ELAPOR2: variants seen among roughly 807,000 people sequenced by gnomAD.
ELAPOR2 encodes endosome-lysosome associated apoptosis and autophagy regulator family member 2, also known as endosome/lysosome-associated apoptosis and autophagy regulator family member 2.
Under a neutral mutation model 120.7 loss-of-function variants are expected in ELAPOR2, and 89 were observed. The ratio of observed to expected loss-of-function variants is 0.74; its 90% CI spans 0.62 to 0.88. The LOEUF is 0.88. ELAPOR2 is among the 40% of genes least tolerant of loss of function. The pLI is 0.00. For missense variants in ELAPOR2, 1,134 were observed against 1,251.6 expected (o/e 0.91, Z 1.42); for synonymous variants, 444 against 444.9 (o/e 1.00, Z 0.03).
intron 1 of ELAPOR2, among the ~76,000 whole-genome samples, chr7:86,974,717 AT>A (rs1000452644): frequency 6.6e-6 from 1 of 151,944 alleles, no homozygotes; most frequent in African/African-American, 2.4e-5. Flanking sequence ...ATTATGTATT[AT>A]CAAAATTTTC....
intron 1 of ELAPOR2, among the ~76,000 whole-genome samples, chr7:87,030,565 G>C (rs1794392791): frequency 6.6e-6 from 1 of 152,142 alleles, no homozygotes; most frequent in Admixed American, 6.6e-5. Flanking sequence ...TTTTGAGTTT[G>C]GCATAATGGT....
intron 12 of ELAPOR2, 96 bp from the exon 13 acceptor site, chr7:86,914,956 A>G: frequency 1.0e-6 from 1 of 1,001,650 alleles, no homozygotes. Context: ...TTTAAAGTAA[A>G]CCCATTACAG....
chr7:87,053,613 G>T lies in ELAPOR2; in HGVS notation c.189+5712C>A, dbSNP rs1795179363. 3.9e-5 allele frequency among the ~76,000 whole-genome samples: 6 copies of T among 152,280 alleles called. No individual in the cohort carries two copies. The South Asian group carries it at 1.2e-3, about 32-fold the overall frequency. ...GAGCACAACTCATTCATCTATATGG[G>T]GTGGGGGGCTGTGCGTGCAAAACAC... is the stretch of plus-strand genomic sequence containing the variant. On this transcript the variant is annotated intron_variant, in intron 1 of 21. Transcript: ENST00000450689.
At chr7:86,882,432 G>A (rs1158080240) in intron 21 of ELAPOR2, among the ~76,000 whole-genome samples, 1 of 152,084 alleles carries the variant, frequency 6.6e-6, no homozygotes, top group South Asian at 2.1e-4. Flanking sequence ...TTATCTTCAA[G>A]GTAATATTTA....
intron 2 of ELAPOR2, 89 bp from the exon 3 acceptor site, chr7:86,948,011 C>T (rs1791077201): frequency 2.2e-6 from 2 of 889,178 alleles, no homozygotes; most frequent in Non-Finnish European, 3.4e-6. Flanking sequence ...TTTTATAAAA[C>T]TCTGATTGTG....
At chr7:87,021,862 TG>T (rs1794050232) in intron 1 of ELAPOR2, among the ~76,000 whole-genome samples, 1 of 152,138 alleles carries the variant, frequency 6.6e-6, no homozygotes, top group Non-Finnish European at 1.5e-5. Context: ...ATATTTGGAT[TG>T]GGGGCTATTC....
At chr7:86,950,425 C>G (rs918181578) in intron 2 of ELAPOR2, among the ~76,000 whole-genome samples, 18 of 152,218 alleles carry the variant, frequency 1.2e-4, no homozygotes, top group Non-Finnish European at 2.1e-4. Context: ...TGGAAGCTCC[C>G]CAAGTCAAGG....
intron 18 of ELAPOR2, among the ~76,000 whole-genome samples, chr7:86,905,099 G>A (rs1352487362): frequency 2.0e-5 from 3 of 146,416 alleles, no homozygotes. Flanking sequence ...AGGAAGGAAG[G>A]AAGGAAGGAA....
At chr7:87,005,979 T>C (rs1793457657) in intron 1 of ELAPOR2, among the ~76,000 whole-genome samples, 1 of 152,126 alleles carries the variant, frequency 6.6e-6, no homozygotes, top group Non-Finnish European at 1.5e-5. Flanking sequence ...AAAACAGAAC[T>C]GGCAAGTCAT....
chr7:86,945,437 T>C (rs1261875316), intron 3 of ELAPOR2, among the ~76,000 whole-genome samples: 2 of 152,186 alleles, frequency 1.3e-5, no homozygotes, highest in African/African-American at 4.8e-5. Flanking sequence ...GATAAATACG[T>C]AGATTAACAT....
chr7:86,944,374 T>C (rs1790918023), intron 4 of ELAPOR2, among the ~76,000 whole-genome samples: 1 of 152,136 alleles, frequency 6.6e-6, no homozygotes, highest in African/African-American at 2.4e-5. Context: ...CATTGATGTT[T>C]TTAGACTGTA....
At chr7:86,915,298 C>T (rs1789517786) in intron 12 of ELAPOR2, among the ~76,000 whole-genome samples, 3 of 151,984 alleles carry the variant, frequency 2.0e-5, no homozygotes, top group Admixed American at 1.3e-4. Flanking sequence ...TGATAGGGAG[C>T]TCTTACATAG....
At chr7:86,895,924 G>A (rs1788416185) in intron 19 of ELAPOR2, among the ~76,000 whole-genome samples, 2 of 152,058 alleles carry the variant, frequency 1.3e-5, no homozygotes. Context: ...AGTAGAAAAA[G>A]CATTATCATT....
intron 1 of ELAPOR2, among the ~76,000 whole-genome samples, chr7:87,020,560 G>A (rs1426855497): frequency 6.6e-6 from 1 of 152,098 alleles, no homozygotes; most frequent in East Asian, 1.9e-4. Context: ...GTAACGTCCA[G>A]AATAGATAAA....
intron 2 of ELAPOR2, among the ~76,000 whole-genome samples, chr7:86,963,639 G>C (rs1169954734): frequency 6.6e-6 from 1 of 152,154 alleles, no homozygotes; most frequent in Admixed American, 6.5e-5. Flanking sequence ...AGTAAACATA[G>C]ATAAATGATA....
chr7:86,988,436 T>C (rs1792832625), intron 1 of ELAPOR2, among the ~76,000 whole-genome samples: 1 of 152,302 alleles, frequency 6.6e-6, no homozygotes, highest in East Asian at 1.9e-4. Flanking sequence ...TTATGTAGCA[T>C]TTACATTGTA....
intron 1 of ELAPOR2, among the ~76,000 whole-genome samples, chr7:87,015,442 A>G (rs1793835881): frequency 6.6e-6 from 1 of 152,184 alleles, no homozygotes; most frequent in Non-Finnish European, 1.5e-5. Flanking sequence ...CCTCACTAAC[A>G]AAAATTATAA....
In ELAPOR2 at chr7:86,941,884, T is replaced by C. The variant is rs1012599425; in HGVS notation, c.741+134A>G. 2.0e-5 allele frequency: 11 copies of C among 560,010 alleles called. No individual in the cohort carries two copies. The Admixed American group carries it at 3.1e-4, about 16-fold the overall frequency. The allele number at this position is 560,010 out of a possible 1,614,324, so 34.7% of individuals were successfully genotyped here. ...AAATCATCTAAATTAATAGTTAATT[T>C]TGATATTTTTTCTTAAAATATACTT... On this transcript the variant is annotated intron_variant, in intron 5 of 21. Coordinates refer to ENST00000450689, the MANE Select transcript of ELAPOR2 (RefSeq NM_001142749.3).
Position 86,940,009 on chromosome 7 carries a change from C to T in ELAPOR2, c.847+1G>A. Reference sequence around the variant, plus strand: ...TACTAAAACAGAATGCCATGAAATACCTTCAATTGTGATATTTTTTACCAG... The same window carrying T: ...TACTAAAACAGAATGCCATGAAATATCTTCAATTGTGATATTTTTTACCAG... On this transcript the variant is annotated splice_donor_variant, in intron 6 of 21. Coordinates refer to ENST00000450689, the MANE Select transcript of ELAPOR2 (RefSeq NM_001142749.3). LOFTEE classifies it high-confidence loss of function. The T allele has an allele frequency of 1.3e-6, 2 of 1,579,326 alleles. No individual in the cohort carries two copies. Among genetic ancestry groups the T allele is most frequent in the Non-Finnish European group, 1.7e-6 (2 of 1,152,822 alleles).
Sources: allele counts gnomAD v4.1 joint callset (sites outside exome capture counted in the v4.1 genomes callset), GRCh38; gene constraint gnomAD v4.1.1; transcripts MANE v1.5; gene names NCBI Gene and HGNC (gene_info 2026-07-23, HGNC 2026-07-21).